The following MYH11 variants were observed in gnomAD, a reference collection of about 807,000 sequenced individuals.
MYH11 encodes myosin heavy chain 11.
A neutral mutation model predicts 246.6 loss-of-function variants in MYH11; 80 were observed. The observed-to-expected ratio is 0.32, with a 90% CI of 0.27 to 0.39. MYH11 has a LOEUF of 0.39. MYH11 is among the 10% of genes least tolerant of loss of function. MYH11 has a pLI of 1.00. For synonymous variants in MYH11, 1,071 were observed against 1,015.5 expected, an observed-to-expected ratio of 1.05 and a Z score of -1.04; for missense variants, 2,158 against 2,546.8, an observed-to-expected ratio of 0.85 and a Z score of 3.29.
intron 9 of MYH11, among the ~76,000 whole-genome samples, chr16:15,767,792 G>A (rs1446709057): frequency 6.6e-6 from 1 of 152,052 alleles, no homozygotes; most frequent in Non-Finnish European, 1.5e-5. Flanking sequence ...GAAGGATGAG[G>A]CAGAGACTGG....
At chr16:15,823,040 G>A (rs919773994) in intron 3 of MYH11, among the ~76,000 whole-genome samples, 3 of 152,268 alleles carry the variant, frequency 2.0e-5, no homozygotes, top group Non-Finnish European at 2.9e-5. Context: ...GAGCTGGAGC[G>A]GGCCCATGCC....
intron 25 of MYH11, among the ~76,000 whole-genome samples, chr16:15,736,039 C>T (rs752581889): frequency 2.0e-5 from 3 of 152,176 alleles, no homozygotes; most frequent in Admixed American, 1.3e-4. Context: ...GACTGGGGCT[C>T]TGCATCTGGT....
intron 3 of MYH11, among the ~76,000 whole-genome samples, chr16:15,820,574 A>G (rs1246654592): frequency 6.6e-6 from 1 of 152,186 alleles, no homozygotes; most frequent in Non-Finnish European, 1.5e-5. Flanking sequence ...GGGCTTTGAG[A>G]GACTTAAACA....
intron 13 of MYH11, 47 bp from the exon 14 acceptor site, chr16:15,756,561 A>G (rs777467734): frequency 6.2e-7 from 1 of 1,606,646 alleles, no homozygotes; most frequent in Non-Finnish European, 8.5e-7. Flanking sequence ...ACCCAACCTC[A>G]GGCATTCCAT....
intron 28 of MYH11, 170 bp from the exon 29 acceptor site, chr16:15,725,162 C>CA (rs886051749): frequency 1.8e-4 from 112 of 636,308 alleles, no homozygotes; most frequent in South Asian, 1.1e-3. Context: ...CACACACACA[C>CA]AAAAAAAACA....
chr16:15,825,386 CAAAAAAA>C (rs1212947132), intron 2 of MYH11, among the ~76,000 whole-genome samples: 11 of 60,998 alleles, frequency 1.8e-4, no homozygotes, highest in African/African-American at 3.9e-4. Flanking sequence ...CCCCTCTCTA[CAAAAAAA>C]AAAAAAAAAA....
chr16:15,727,004 T>A lies in MYH11; in HGVS notation c.3702A>T (p.Ala1234=). 1 of 1,612,058 alleles carries A rather than the reference T, an allele frequency of 6.2e-7. No homozygotes were observed. Among genetic ancestry groups the A allele is most frequent in the Middle Eastern group, 1.7e-4 (1 of 6,060 alleles). Residue 1234 remains alanine, a synonymous_variant, in exon 28 of 41, where the codon GCA becomes GCT. Transcript: ENST00000300036. ...KNKQTLEKEN[A]DLAGELRVLG... ...GGACCCGCAGCTCCCCGGCCAGGTC[T>A]GCGTTCTCTTTCTCCAGCGTCTGCT...
intron 20 of MYH11, among the ~76,000 whole-genome samples, chr16:15,743,262 C>T (rs572248633): frequency 1.3e-4 from 20 of 152,266 alleles, no homozygotes; most frequent in Non-Finnish European, 2.4e-4. Context: ...TCTGCCTCCT[C>T]GGTTCAAGTG....
At chr16:15,737,402 A>G (rs970686557) in intron 25 of MYH11, 47 bp downstream of exon 25, 48 of 1,603,988 alleles carry the variant, frequency 3.0e-5, no homozygotes, top group Non-Finnish European at 4.0e-5. Flanking sequence ...GCAGGGGCCC[A>G]GGGGATACAT....
intron 27 of MYH11, among the ~76,000 whole-genome samples, chr16:15,731,427 C>T (rs781331535): frequency 3.3e-5 from 5 of 152,018 alleles, no homozygotes; most frequent in Non-Finnish European, 7.4e-5. Context: ...TAATAGTACA[C>T]GTCTCACAGG....
intron 1 of MYH11, among the ~76,000 whole-genome samples, chr16:15,841,312 A>G (rs1419590162): frequency 1.3e-5 from 2 of 152,084 alleles, no homozygotes; most frequent in Non-Finnish European, 2.9e-5. Flanking sequence ...TAATTTTTGT[A>G]TTTTTAGTAG....
At chr16:15,772,264 G>A (rs891189046) in intron 8 of MYH11, among the ~76,000 whole-genome samples, 1 of 151,672 alleles carries the variant, frequency 6.6e-6, no homozygotes, top group South Asian at 2.1e-4. Flanking sequence ...GCTAAATTTT[G>A]TATTTTTAGT....
chr16:15,738,610 TA>T lies in MYH11; in HGVS notation c.3075del (p.Thr1026ProfsTer3). The T allele has an allele frequency of 6.2e-7, 1 of 1,614,118 alleles. No homozygotes were observed. Among genetic ancestry groups the T allele is most frequent in the Non-Finnish European group, 8.5e-7 (1 of 1,180,006 alleles). ...GATTCATGCTTGTTTTTCAGCTTGG[TA>T]AGATTCTTGGCCTTTTCTTCCTCTT... ...LAEEEEKAKN[L>X]TKLKNKHESM... On this transcript the variant is annotated frameshift_variant, in exon 24 of 41. Transcript: ENST00000300036. LOFTEE classifies it high-confidence loss of function.
At chr16:15,794,481 C>T (rs1170377353) in intron 4 of MYH11, among the ~76,000 whole-genome samples, 1 of 152,248 alleles carries the variant, frequency 6.6e-6, no homozygotes, top group Non-Finnish European at 1.5e-5. Flanking sequence ...GATTTCCTTC[C>T]TAACAATGGC....
chr16:15,729,165 G>A lies in MYH11; in HGVS notation c.3652-2111C>T, dbSNP rs555497681. Among the ~76,000 whole-genome samples, 11 of 152,114 alleles carry A rather than the reference G, an allele frequency of 7.2e-5. No homozygotes were observed. The East Asian group carries it at 1.6e-3, about 21-fold the overall frequency. ...AAGCAGTGAAGCGGGGACCCTAGGG[G>A]ACATGGGCTCCCAGAAACCTTAGCC... On this transcript the variant is annotated intron_variant, in intron 27 of 40. Transcript: ENST00000300036.
intron 27 of MYH11, among the ~76,000 whole-genome samples, chr16:15,731,030 C>T (rs1430846385): frequency 6.6e-6 from 1 of 152,090 alleles, no homozygotes; most frequent in Non-Finnish European, 1.5e-5. Flanking sequence ...GCTATGTTGC[C>T]CAGGCGATCT....
chr16:15,759,048 T>C (rs1353577402), intron 12 of MYH11, among the ~76,000 whole-genome samples: 1 of 151,714 alleles, frequency 6.6e-6, no homozygotes, highest in East Asian at 1.9e-4. Context: ...AAGGATCCAA[T>C]ATCCATGTTT....
At chr16:15,804,698 T>C (rs1369462090) in intron 3 of MYH11, among the ~76,000 whole-genome samples, 1 of 152,164 alleles carries the variant, frequency 6.6e-6, no homozygotes, top group African/African-American at 2.4e-5. Flanking sequence ...CAACCGCCAA[T>C]TTGCTTTCTG....
Position 15,750,025 on chromosome 16 carries a change from T to G in MYH11, c.2058+113A>C, listed in dbSNP as rs1384304511. The stretch of plus-strand genomic sequence containing the variant: ...TGAGATTCAGATAGCCTTCCCCACA[T>G]GGAAAATGGGGTCCTCGGGGTAGGT... On this transcript the variant is annotated intron_variant, in intron 16 of 40. Coordinates refer to ENST00000300036, the MANE Select transcript of MYH11 (RefSeq NM_002474.3). This position sits in a 1 kb window ranked among gnomAD's most constrained non-coding sequence, Gnocchi z 4.3. 1.5e-6 allele frequency: 2 copies of G among 1,299,964 alleles called. No individual in the cohort carries two copies. The highest frequency in any genetic ancestry group is 2.2e-6 in the Non-Finnish European group (2 of 921,612). The allele number at this position is 1,299,964 out of a possible 1,614,324, so 80.5% of individuals were successfully genotyped here. A position where few individuals can be genotyped will look rare whatever the true frequency, so the allele number is the denominator to read the frequency against.
Sources: allele counts gnomAD v4.1 joint callset (sites outside exome capture counted in the v4.1 genomes callset), GRCh38; gene constraint gnomAD v4.1.1; non-coding constraint Gnocchi (gnomAD v3.1); transcripts MANE v1.5; gene names NCBI Gene and HGNC (gene_info 2026-07-23, HGNC 2026-07-21).